The following PCBD2 variants were observed in gnomAD, a reference collection of about 807,000 sequenced individuals.
PCBD2 encodes the protein pterin-4 alpha-carbinolamine dehydratase 2.
PCBD2 carries 12 observed loss-of-function variants against 16.4 expected under a neutral mutation model. The observed-to-expected ratio is 0.73, with a 90% CI of 0.47 to 1.19. The LOEUF (loss-of-function observed/expected upper bound fraction) is 1.19. Among genes scored for constraint, PCBD2 ranks in the 50% most tolerant of loss-of-function variants. The probability of loss-of-function intolerance (pLI) is 0.00; values close to 1 mark genes in which losing one functional copy is unlikely to be tolerated. For missense variants in PCBD2, 138 were observed against 156.8 expected (o/e 0.88, Z 0.64); for synonymous variants, 58 against 61.8 (o/e 0.94, Z 0.29).
intron 1 of PCBD2, among the ~76,000 whole-genome samples, chr5:134,907,287 C>T (rs992836546): frequency 6.6e-6 from 1 of 152,236 alleles, no homozygotes; most frequent in Non-Finnish European, 1.5e-5. Flanking sequence ...CTCTGTTGCC[C>T]AGACTGGAGT....
chr5:134,955,110 C>T (rs1055196925), intron 2 of PCBD2, among the ~76,000 whole-genome samples: 6 of 150,974 alleles, frequency 4.0e-5, no homozygotes, highest in South Asian at 2.1e-4. Flanking sequence ...TTTAATCTTC[C>T]GAGTTTAACT....
intron 1 of PCBD2, among the ~76,000 whole-genome samples, chr5:134,909,237 C>T (rs978559887): frequency 6.6e-6 from 1 of 152,218 alleles, no homozygotes; most frequent in African/African-American, 2.4e-5. Flanking sequence ...GTACTCTGGC[C>T]AAACTATGGA....
chr5:134,944,288 A>G (rs531351009), intron 2 of PCBD2, among the ~76,000 whole-genome samples: 4 of 152,306 alleles, frequency 2.6e-5, no homozygotes, highest in African/African-American at 7.2e-5. Flanking sequence ...GCAATTTGAA[A>G]TCTGCCTATG....
At chr5:134,919,703 A>G (rs570304983) in intron 2 of PCBD2, among the ~76,000 whole-genome samples, 5 of 152,246 alleles carry the variant, frequency 3.3e-5, no homozygotes, top group Non-Finnish European at 5.9e-5. Context: ...AATTAATAAC[A>G]ATAGACTGCT....
At chr5:134,906,440 G>A (rs1433820523) in intron 1 of PCBD2, among the ~76,000 whole-genome samples, 1 of 151,848 alleles carries the variant, frequency 6.6e-6, no homozygotes, top group Non-Finnish European at 1.5e-5. Flanking sequence ...TCCTGACCTC[G>A]TCATCCACCC....
chr5:134,909,124 G>A (rs1750733746), intron 1 of PCBD2: 1 of 152,250 alleles, frequency 6.6e-6, no homozygotes, highest in African/African-American at 2.4e-5. Flanking sequence ...AATAGCATGG[G>A]AAGTGTGGGC....
intron 2 of PCBD2, among the ~76,000 whole-genome samples, chr5:134,931,210 C>CT (rs892854085): frequency 2.6e-5 from 4 of 151,938 alleles, no homozygotes; most frequent in East Asian, 3.9e-4. Flanking sequence ...CCTTCTTTTT[C>CT]TTTTTTTTGA....
intron 2 of PCBD2, among the ~76,000 whole-genome samples, chr5:134,938,711 G>A (rs1300157361): frequency 6.6e-6 from 1 of 152,154 alleles, no homozygotes; most frequent in Admixed American, 6.6e-5. Flanking sequence ...GAGAGGTTTA[G>A]AAATTTTAAT....
chr5:134,925,873 C>T (rs1750986204), intron 2 of PCBD2: 1 of 393,408 alleles, frequency 2.5e-6, no homozygotes, highest in Admixed American at 4.4e-5. Flanking sequence ...TTGTGGGTCT[C>T]ATGAGTTGGA....
chr5:134,960,570 C>T lies in PCBD2; in HGVS notation c.298-16C>T. The T allele has an allele frequency of 2.6e-6, 4 of 1,561,128 alleles. No individual in the cohort carries two copies. The highest frequency in any genetic ancestry group is 3.5e-6 in the Non-Finnish European group (4 of 1,143,090). On this transcript the variant is annotated splice_polypyrimidine_tract_variant and intron_variant, in intron 3 of 3. Coordinates refer to ENST00000254908, the MANE Select transcript of PCBD2 (RefSeq NM_032151.5). ...TTGCTGCTCAGAGTTTTAAAAACTG[C>T]TTTTCTTTTTCTTAGGTCCAGATAA... is the stretch of plus-strand genomic sequence containing the variant.
intron 2 of PCBD2, among the ~76,000 whole-genome samples, chr5:134,934,352 G>C (rs1751134127): frequency 6.6e-6 from 1 of 152,150 alleles, no homozygotes; most frequent in Non-Finnish European, 1.5e-5. Flanking sequence ...AACACAACCA[G>C]TAATGTTGGG....
chr5:134,920,910 CCCGCCTTGGCCT>C (rs1750895908), intron 2 of PCBD2, among the ~76,000 whole-genome samples: 1 of 152,276 alleles, frequency 6.6e-6, no homozygotes, highest in South Asian at 2.1e-4. Flanking sequence ...AAGTGATCCG[CCCGCCTTGGCCT>C]CCCAAAGTGT....
chr5:134,952,771 A>G (rs1183216630), intron 2 of PCBD2, among the ~76,000 whole-genome samples: 2 of 152,026 alleles, frequency 1.3e-5, no homozygotes, highest in African/African-American at 4.8e-5. Context: ...GTGCCACTGC[A>G]TTCCAACCTG....
chr5:134,928,184 G>T, intron 2 of PCBD2: 1 of 390,158 alleles, frequency 2.6e-6, no homozygotes, highest in Non-Finnish European at 4.5e-6. Context: ...GGTGTTGAGG[G>T]TTATGAGAGT....
At chr5:134,955,586 G>T (rs1253050208) in intron 2 of PCBD2, among the ~76,000 whole-genome samples, 1 of 152,178 alleles carries the variant, frequency 6.6e-6, no homozygotes, top group East Asian at 1.9e-4. Context: ...GGGATAACAG[G>T]CATGAGCCAC....
At chr5:134,906,194 ATTTTTTTTTTTT>A (rs1158334317) in intron 1 of PCBD2, among the ~76,000 whole-genome samples, 7 of 66,522 alleles carry the variant, frequency 1.1e-4, no homozygotes, top group African/African-American at 3.4e-4. Flanking sequence ...TAATAGAAGA[ATTTTTTTTTTTT>A]TTTTTTTTTT....
chr5:134,931,845 G>A (rs1454057403), intron 2 of PCBD2, among the ~76,000 whole-genome samples: 1 of 152,186 alleles, frequency 6.6e-6, no homozygotes, highest in Non-Finnish European at 1.5e-5. Context: ...TTATTTGCAT[G>A]TTTTGAAGAA....
intron 2 of PCBD2, among the ~76,000 whole-genome samples, chr5:134,937,234 A>G (rs893385823): frequency 3.9e-5 from 6 of 152,214 alleles, no homozygotes; most frequent in African/African-American, 1.4e-4. Context: ...TTATTTAGCA[A>G]ATTTTGGCTA....
At chr5:134,932,673 G>A (rs1244752021) in intron 2 of PCBD2, among the ~76,000 whole-genome samples, 1 of 151,528 alleles carries the variant, frequency 6.6e-6, no homozygotes, top group Non-Finnish European at 1.5e-5. Context: ...TTGTGGAGAT[G>A]GGATCTCACT....
Sources: gnomAD v4.1 joint callset for allele counts (sites outside exome capture counted in the v4.1 genomes callset) on GRCh38, gnomAD v4.1.1 for gene constraint, MANE v1.5 for transcripts, NCBI Gene and HGNC (gene_info 2026-07-23, HGNC 2026-07-21) for gene names.